KMT2C: variants seen among roughly 807,000 people sequenced by gnomAD.
KMT2C encodes lysine methyltransferase 2C.
KMT2C carries 88 observed loss-of-function variants against 507.9 expected under a neutral mutation model. The ratio of observed to expected loss-of-function variants is 0.17; its 90% CI spans 0.15 to 0.21. The LOEUF is 0.21. Among genes scored for constraint, KMT2C ranks in the 10% least tolerant of loss-of-function variants. The pLI is 1.00. For synonymous variants in KMT2C, 2,049 were observed against 2,080.8 expected (o/e 0.98, Z 0.42); for missense variants, 4,954 against 5,957.8 (o/e 0.83, Z 5.55).
intron 1 of KMT2C, among the ~76,000 whole-genome samples, chr7:152,362,509 T>C (rs1248830223): frequency 1.3e-5 from 2 of 152,142 alleles, no homozygotes; most frequent in African/African-American, 2.4e-5. Context: ...AAATAGAGAA[T>C]GACAAAATAA....
chr7:152,222,151 T>C (rs2094792474), intron 21 of KMT2C, 85 bp from the exon 22 acceptor site: 1 of 859,310 alleles, frequency 1.2e-6, no homozygotes, highest in South Asian at 2.1e-5. Context: ...ATAATTTCTG[T>C]TTCTATACTC....
chr7:152,322,729 G>A (rs73164514), intron 3 of KMT2C, among the ~76,000 whole-genome samples: 4,669 of 151,792 alleles, frequency 0.031, 204 homozygotes, highest in Non-Finnish European at 0.038. Flanking sequence ...AGCTCCTTAC[G>A]GCAAATGAAA....
At chr7:152,220,272 G>C (rs1345063067) in intron 23 of KMT2C, 12 of 479,940 alleles carry the variant, frequency 2.5e-5, no homozygotes, top group Non-Finnish European at 4.1e-5. Flanking sequence ...CCCCACCTGT[G>C]ATCTTCAAAG....
chr7:152,314,386 C>A (rs143155971), intron 4 of KMT2C, among the ~76,000 whole-genome samples: 4 of 152,268 alleles, frequency 2.6e-5, no homozygotes, highest in African/African-American at 9.6e-5. Flanking sequence ...ACAGAAACTT[C>A]TACTCCCTTA....
chr7:152,219,498 C>G (rs1352221916), intron 23 of KMT2C, among the ~76,000 whole-genome samples: 1 of 151,720 alleles, frequency 6.6e-6, no homozygotes, highest in Non-Finnish European at 1.5e-5. Context: ...ATAGTACCTG[C>G]TACTTGAGAG....
intron 1 of KMT2C, among the ~76,000 whole-genome samples, chr7:152,421,512 TG>T (rs1214393150): frequency 6.6e-6 from 1 of 152,080 alleles, no homozygotes; most frequent in East Asian, 1.9e-4. Context: ...AACAGCGGAC[TG>T]GATAAAGAAA....
intron 1 of KMT2C, among the ~76,000 whole-genome samples, chr7:152,398,666 T>C (rs922636303): frequency 2.0e-5 from 3 of 150,784 alleles, no homozygotes; most frequent in African/African-American, 7.3e-5. Flanking sequence ...TTCCCAAGTA[T>C]TGAGATTATA....
At chr7:152,279,556 T>G (rs1240509736) in intron 6 of KMT2C, among the ~76,000 whole-genome samples, 1 of 152,208 alleles carries the variant, frequency 6.6e-6, no homozygotes, top group Non-Finnish European at 1.5e-5. Flanking sequence ...AAACCTAATC[T>G]ATGAAATTAT....
rs938317852 is a variant in KMT2C, at chr7:152,135,756, A to G, written c.*1076T>C. Reference sequence around the variant, plus strand: ...CTGACTGAAGAAGTAGGGATGCAACAATATAATATGAAAAAATTAGTTTAA... The same window carrying G: ...CTGACTGAAGAAGTAGGGATGCAACGATATAATATGAAAAAATTAGTTTAA... On this transcript the variant is annotated 3_prime_UTR_variant, in exon 59 of 59. Transcript: ENST00000262189. 7.4e-5 allele frequency: 17 copies of G among 228,476 alleles called. No homozygotes were observed. The highest frequency in any genetic ancestry group is 3.8e-4 in the African/African-American group (17 of 45,018). The allele number at this position is 228,476 out of a possible 1,614,324, so 14.2% of individuals were successfully genotyped here.
intron 40 of KMT2C, 65 bp from the exon 41 acceptor site, chr7:152,169,314 T>C (rs957993150): frequency 5.8e-6 from 5 of 859,782 alleles, no homozygotes; most frequent in African/African-American, 3.4e-5. Context: ...GAAAAAACTT[T>C]AAAAGAAAGA....
At chr7:152,196,045 G>T in intron 27 of KMT2C, 34 bp from the exon 28 acceptor site, 1 of 1,335,146 alleles carries the variant, frequency 7.5e-7, no homozygotes, top group Non-Finnish European at 1.0e-6. Context: ...TAAAATTTCA[G>T]TATTTTCTCA....
chr7:152,182,301 T>G lies in KMT2C; in HGVS notation c.5559A>C (p.Pro1853=). ...TCCGGGATGGGGCTGGAGGAGGAGG[T>G]GGAGCTTGTGGCTTTACAAACACAT... ...SDDVFVKPQA[P]PPPPAPSRIP... Residue 1853 remains proline (P), a synonymous_variant, in exon 36 of 59, where the codon CCA becomes CCC. Transcript: ENST00000262189. The G allele has an allele frequency of 1.2e-6, 2 of 1,613,906 alleles. No homozygotes were observed. The highest frequency in any genetic ancestry group is 1.7e-6 in the Non-Finnish European group (2 of 1,179,974).
rs182795390 is a variant in KMT2C at position 152,163,754 on chromosome 7, T to C, written c.9823A>G (p.Met3275Val). The change falls in exon 43 of 59, where the codon ATG becomes GTG. Residue 3275 changes from methionine (M) to valine (V), a missense_variant. By Grantham distance (21) the Met-to-Val change is conservative. Around this residue, in one of 29 missense-constraint regions of KMT2C, gnomAD observed 801 missense variants for 751.2 expected, o/e 1.07. Transcript: ENST00000262189. ...CTGGGCATCATGGTAGGTGGGGCCA[T>C]TGCACATTGCTGCTGCTGTTTGATC... is the stretch of plus-strand genomic sequence containing the variant. Reference protein sequence around the residue: ...YRIKQQQQCAMAPPTMMPSVQ... With the variant: ...YRIKQQQQCAVAPPTMMPSVQ... The C allele has an allele frequency of 1.2e-5, 20 of 1,614,190 alleles. No homozygotes were observed. The East Asian group carries it at 1.6e-4, about 13-fold the overall frequency.
intron 6 of KMT2C, among the ~76,000 whole-genome samples, chr7:152,276,364 TCAAG>T (rs2096079291): frequency 6.6e-6 from 1 of 152,068 alleles, no homozygotes; most frequent in Middle Eastern, 3.2e-3. Flanking sequence ...ATAAAAGAAA[TCAAG>T]CAAGTTAAAA....
chr7:152,356,098 T>G (rs1296570294), intron 2 of KMT2C, among the ~76,000 whole-genome samples: 1 of 152,084 alleles, frequency 6.6e-6, no homozygotes, highest in African/African-American at 2.4e-5. Context: ...AGAAACAACA[T>G]ACGGGTAGGG....
intron 6 of KMT2C, among the ~76,000 whole-genome samples, chr7:152,288,996 A>G (rs2096358152): frequency 6.6e-6 from 1 of 152,308 alleles, no homozygotes; most frequent in Non-Finnish European, 1.5e-5. Context: ...ACTAAAAATT[A>G]GTCATGAGAC....
At chr7:152,179,277 T>C (rs949899138) in intron 37 of KMT2C, among the ~76,000 whole-genome samples, 6 of 152,240 alleles carry the variant, frequency 3.9e-5, no homozygotes, top group Non-Finnish European at 7.3e-5. Flanking sequence ...ATTACAGGCC[T>C]GAGCCACTGC....
intron 18 of KMT2C, among the ~76,000 whole-genome samples, chr7:152,228,390 C>A (rs898124580): frequency 2.3e-4 from 35 of 152,168 alleles, no homozygotes; most frequent in Non-Finnish European, 2.5e-4. Context: ...ACAATTGCCT[C>A]CTACAATAAA....
Position 152,201,617 on chromosome 7 carries a change from G to GAAAAAAAACAAAAAAAAAAAAAAAAAA in KMT2C, c.4092+1316_4092+1317insTTTTTTTTTTTTTTTTTTGTTTTTTTT, listed in dbSNP as rs2094144876. On this transcript the variant is annotated intron_variant, in intron 26 of 58. Transcript: ENST00000262189. ...CCCAGGAGAAAACAACAACAAAGAT[G>GAAAAAAAACAAAAAAAAAAAAAAAAAA]AAAAAAAAAAAAAAAAAAAAAAAAA... 8.7e-5 allele frequency among the ~76,000 whole-genome samples: 2 copies of GAAAAAAAACAAAAAAAAAAAAAAAAAA among 22,874 alleles called. 1 individual carries two copies. Among genetic ancestry groups the GAAAAAAAACAAAAAAAAAAAAAAAAAA allele is most frequent in the African/African-American group, 1.6e-4 (2 of 12,138 alleles). The allele number at this position is 22,874 out of a possible 152,430, so 15.0% of individuals were successfully genotyped here.
Sources: gnomAD v4.1 joint callset for allele counts (sites outside exome capture counted in the v4.1 genomes callset) on GRCh38, gnomAD v4.1.1 for gene constraint, gnomAD v4.1.1 regional missense constraint, MANE v1.5 for transcripts, NCBI Gene and HGNC (gene_info 2026-07-23, HGNC 2026-07-21) for gene names.